Variants in MYO7B observed in about 807,000 individuals in gnomAD.
The protein encoded by MYO7B is myosin VIIB, also known as unconventional myosin-VIIb.
A neutral mutation model predicts 259.7 loss-of-function variants in MYO7B; 212 were observed. The observed-to-expected ratio is 0.82, with a 90% CI of 0.73 to 0.91. The LOEUF is 0.91. Among genes scored for constraint, MYO7B ranks in the 40% least tolerant of loss-of-function variants. The pLI is 0.00. For synonymous variants in MYO7B, 1,197 were observed against 1,166.4 expected (o/e 1.03, Z -0.54); for missense variants, 2,732 against 2,813.5 (o/e 0.97, Z 0.66).
chr2:127,537,091 C>G (rs1285883434), intron 1 of MYO7B, among the ~76,000 whole-genome samples: 1 of 152,176 alleles, frequency 6.6e-6, no homozygotes, highest in Non-Finnish European at 1.5e-5. Flanking sequence ...GGGCAACACC[C>G]CACTTATAGA....
At chr2:127,624,406 C>T in intron 30 of MYO7B, 86 bp downstream of exon 30, 1 of 1,277,920 alleles carries the variant, frequency 7.8e-7, no homozygotes, top group South Asian at 1.4e-5. Context: ...CTTCTGAGGC[C>T]AGGTAGAAGG....
chr2:127,624,041 G>A, intron 29 of MYO7B, 52 bp from the exon 30 acceptor site: 1 of 1,485,882 alleles, frequency 6.7e-7, no homozygotes, highest in Admixed American at 2.0e-5. Context: ...GCGTCCCCGT[G>A]GGGTGGGGCA....
rs1681615332 is a variant in MYO7B at position 127,633,203 on chromosome 2, C to T, written c.5406-55C>T. ...TTTAGGGCCCACATCGGGGCTGGGG[C>T]ATGGGTGAGGATGAGGGTGGGGGTG... On this transcript the variant is annotated intron_variant, in intron 39 of 47. Transcript: ENST00000409816. The T allele has an allele frequency of 2.9e-6, 4 of 1,373,100 alleles. No homozygotes were observed. In the African/African-American group the frequency reaches 4.3e-5, roughly 15 times the overall value. The allele number at this position is 1,373,100 out of a possible 1,614,324, so 85.1% of individuals were successfully genotyped here.
At chr2:127,553,467 C>T (rs1295806473) in intron 1 of MYO7B, among the ~76,000 whole-genome samples, 1 of 152,156 alleles carries the variant, frequency 6.6e-6, no homozygotes, top group African/African-American at 2.4e-5. Context: ...TTGTAGAGGG[C>T]TTTCACTTCC....
chr2:127,586,578 G>A lies in MYO7B; in HGVS notation c.1690+1665G>A, dbSNP rs1679314079. Among the ~76,000 whole-genome samples the A allele has an allele frequency of 6.6e-6, 1 of 152,190 alleles. No individual in the cohort carries two copies. Among genetic ancestry groups the A allele is most frequent in the South Asian group, 2.1e-4 (1 of 4,832 alleles). ...TGGGCTCTTGGAAAAGGGAGAGGCT[G>A]GAGCCAGTCGGACCTGCAGGGTCCT... On this transcript the variant is annotated intron_variant, in intron 14 of 47. Transcript: ENST00000409816. This position sits in a 1 kb window ranked among gnomAD's most constrained non-coding sequence, Gnocchi z 4.8.
rs2105090088 is a variant in MYO7B at position 127,624,174 on chromosome 2, A to T, written c.3901A>T (p.Ser1301Cys). 1 of 1,597,136 alleles carries T rather than the reference A, an allele frequency of 6.3e-7. No individual in the cohort carries two copies. Among genetic ancestry groups the T allele is most frequent in the Non-Finnish European group, 8.5e-7 (1 of 1,172,646 alleles). The change falls in exon 30 of 48, where the codon AGC becomes TGC. Residue 1301 changes from serine (S) to cysteine (C), a missense_variant. Ser to Cys is a moderately radical substitution (Grantham distance 112). Coordinates refer to ENST00000409816, the MANE Select transcript of MYO7B (RefSeq NM_001393586.1). Reference sequence around the variant, plus strand: ...GCAGATGGCCCAGGAGAGGGGCGAGAGCCAGCGCCAGTCACCCTGGCGCAT... The same window carrying T: ...GCAGATGGCCCAGGAGAGGGGCGAGTGCCAGCGCCAGTCACCCTGGCGCAT... ...CEQMAQERGE[S>C]QRQSPWRIYF...
intron 1 of MYO7B, among the ~76,000 whole-genome samples, chr2:127,557,963 A>G (rs1389937018): frequency 6.6e-6 from 1 of 152,206 alleles, no homozygotes; most frequent in Non-Finnish European, 1.5e-5. Flanking sequence ...GAGCCCAAAA[A>G]ACAAATGCAA....
intron 4 of MYO7B, among the ~76,000 whole-genome samples, chr2:127,565,746 G>A (rs1358934374): frequency 2.6e-5 from 4 of 152,164 alleles, no homozygotes; most frequent in Admixed American, 6.5e-5. Flanking sequence ...AGTGAGGCCC[G>A]TGACAGCCCA....
rs369025944 is a variant in MYO7B at position 127,623,391 on chromosome 2, C to G, written c.3819+16C>G. 6.4e-7 allele frequency: 1 copy of G among 1,551,898 alleles called. No individual in the cohort carries two copies. The highest frequency in any genetic ancestry group is 8.7e-7 in the Non-Finnish European group (1 of 1,150,562). On this transcript the variant is annotated intron_variant, in intron 29 of 47. Coordinates refer to ENST00000409816, the MANE Select transcript of MYO7B (RefSeq NM_001393586.1). ...GTACGACAAGGTACCAGCCAGGCAC[C>G]CTGCCCGTCAGCCGCCTCCCTCATA...
chr2:127,630,952 A>AGCCCCACCTCACCTCATT, intron 36 of MYO7B, 44 bp downstream of exon 36: 1 of 1,465,192 alleles, frequency 6.8e-7, no homozygotes, highest in South Asian at 1.3e-5. Context: ...CCCACCTCCC[A>AGCCCCACCTCACCTCATT]GCCCCACCTC....
Position 127,596,498 on chromosome 2 carries a change from CAGGTGCT to C in MYO7B, c.2284_2290del (p.Val762ThrfsTer21). On this transcript the variant is annotated frameshift_variant, in exon 19 of 48. Coordinates refer to ENST00000409816, the MANE Select transcript of MYO7B (RefSeq NM_001393586.1). LOFTEE classifies it high-confidence loss of function. ...CACTCTGCTGGAGGTACAGAGAAGC[CAGGTGCT>C]AGACAGAGCGGCGCTCAGCATCCAG... 1 of 1,613,762 alleles carries C rather than the reference CAGGTGCT, an allele frequency of 6.2e-7. No individual in the cohort carries two copies. Among genetic ancestry groups the C allele is most frequent in the South Asian group, 1.1e-5 (1 of 90,988 alleles).
In MYO7B at chr2:127,597,611, A is replaced by ATATATATT. The variant is rs1679821104; in HGVS notation, c.2339+1058_2339+1059insATATTTAT. On this transcript the variant is annotated intron_variant, in intron 19 of 47. Transcript: ENST00000409816. This position sits in a 1 kb window ranked among gnomAD's most constrained non-coding sequence, Gnocchi z 4.8. ...TTCATCCAGGTTATTGCTTGCATTA[A>ATATATATT]TATTTATTTATTTATTTATTTATTT... Among the ~76,000 whole-genome samples the ATATATATT allele has an allele frequency of 6.9e-6, 1 of 145,792 alleles. No individual in the cohort carries two copies. The highest frequency in any genetic ancestry group is 1.5e-5 in the Non-Finnish European group (1 of 66,790).
At chr2:127,548,605 G>A (rs1335154808) in intron 1 of MYO7B, among the ~76,000 whole-genome samples, 3 of 151,638 alleles carry the variant, frequency 2.0e-5, no homozygotes, top group Non-Finnish European at 2.9e-5. Flanking sequence ...TAGTAGAGAC[G>A]GGGTTTCACC....
intron 15 of MYO7B, 98 bp downstream of exon 15, chr2:127,588,653 A>C (rs11673952): frequency 0.84 from 1,214,019 of 1,445,212 alleles, 511,663 homozygotes; most frequent in East Asian, 0.98. Context: ...CTCTGGGTCC[A>C]CAGCATGCAG....
chr2:127,569,470 A>C lies in MYO7B; in HGVS notation c.471-319A>C, dbSNP rs928517974. On this transcript the variant is annotated intron_variant, in intron 5 of 47. Coordinates refer to ENST00000409816, the MANE Select transcript of MYO7B (RefSeq NM_001393586.1). Reference sequence around the variant, plus strand: ...GCCTGTGGGCCACCCTTTCATTAGGAAGACACTGAGTCATCTCACTCAGTC... The same window carrying C: ...GCCTGTGGGCCACCCTTTCATTAGGCAGACACTGAGTCATCTCACTCAGTC... Among the ~76,000 whole-genome samples the C allele has an allele frequency of 6.6e-5, 10 of 152,270 alleles. 1 individual carries two copies. The highest frequency in any genetic ancestry group is 4.1e-4 in the South Asian group (2 of 4,828).
In MYO7B at chr2:127,566,774, C is replaced by A. The variant is rs1366105720; in HGVS notation, c.417C>A (p.Asn139Lys). Residue 139 changes from asparagine (N) to lysine (K), a missense_variant, in exon 5 of 48, where the codon AAC becomes AAA. This residue lies in a region of MYO7B where 1,906 missense variants were observed against 2,026.4 expected (regional missense o/e 0.94). Transcript: ENST00000409816. Reference protein sequence around the residue: ...ELPPHVFAIANNCYFSMKRNK... With the variant: ...ELPPHVFAIAKNCYFSMKRNK... ...CCCCGCATGTCTTTGCCATCGCCAA[C>A]AACTGCTACTTCAGCATGAAGAGGA... The A allele has an allele frequency of 1.9e-6, 3 of 1,612,552 alleles. No homozygotes were observed. In the East Asian group the frequency reaches 6.7e-5, roughly 36 times the overall value.
chr2:127,552,163 CT>C (rs1693468716), intron 1 of MYO7B, among the ~76,000 whole-genome samples: 5 of 152,142 alleles, frequency 3.3e-5, no homozygotes, highest in Admixed American at 3.3e-4. Context: ...TTCTTTGGGC[CT>C]TTTAATTTTT....
At chr2:127,594,240 C>T (rs901597826) in intron 18 of MYO7B, among the ~76,000 whole-genome samples, 2 of 152,240 alleles carry the variant, frequency 1.3e-5, no homozygotes, top group African/African-American at 4.8e-5. Flanking sequence ...CCATTTGGGT[C>T]AGAGCCACTG....
At position 127,584,192 on chromosome 2, in the gene MYO7B, A is replaced by C; in HGVS notation, c.1414A>C (p.Met472Leu). ...GTTCTTTGTGCAGCACGTGTTCACC[A>C]TGGAGCAAGAGGAGTACCGCTCGGA... Reference protein sequence around the residue: ...QQFFVQHVFTMEQEEYRSENI... With the variant: ...QQFFVQHVFTLEQEEYRSENI... Residue 472 changes from methionine to leucine, a missense_variant, in exon 13 of 48, where the codon ATG becomes CTG. Physicochemically the swap from Met to Leu is conservative, Grantham distance 15. Transcript: ENST00000409816. The surrounding 1 kb of genome is among the most constrained non-coding windows in gnomAD (Gnocchi z 5.8). The C allele has an allele frequency of 1.2e-6, 2 of 1,614,000 alleles. No individual in the cohort carries two copies. Among genetic ancestry groups the C allele is most frequent in the Non-Finnish European group, 1.7e-6 (2 of 1,179,888 alleles).
Sources: allele counts gnomAD v4.1 joint callset (sites outside exome capture counted in the v4.1 genomes callset), GRCh38; gene constraint gnomAD v4.1.1; regional missense constraint gnomAD v4.1.1; non-coding constraint Gnocchi (gnomAD v3.1); transcripts MANE v1.5; gene names NCBI Gene and HGNC (gene_info 2026-07-23, HGNC 2026-07-21).